Variants in SDC1 observed in about 807,000 individuals in gnomAD.
SDC1 encodes syndecan 1.
In SDC1, 14 loss-of-function variants were observed where a neutral mutation model predicts 29.7. That is an observed-to-expected ratio of 0.47 (90% confidence interval 0.31 to 0.74). The LOEUF is 0.74. Ranked by LOEUF, SDC1 falls within the 30% of genes least tolerant of loss-of-function variation. The pLI is 0.05. For synonymous variants in SDC1, 204 were observed against 175.5 expected, an observed-to-expected ratio of 1.16 and a Z score of -1.29; for missense variants, 406 against 400.3, an observed-to-expected ratio of 1.01 and a Z score of -0.12.
Position 20,202,810 on chromosome 2 carries a change from C to T in SDC1, c.889G>A (p.Gly297Arg), listed in dbSNP as rs760664906. 1.7e-5 allele frequency: 28 copies of T among 1,613,262 alleles called. No individual in the cohort carries two copies. The highest frequency in any genetic ancestry group is 1.3e-4 in the South Asian group (12 of 90,862). ...TGTTTGGTGGGCTTCTGGTAGGCCC[C>T]GCCGTTGGCTTGTTTCGGCTCCTCC... Reference protein sequence around the residue: ...SLEEPKQANGGAYQKPTKQEE... With the variant: ...SLEEPKQANGRAYQKPTKQEE... The change falls in exon 5 of 5, where the codon GGG (glycine) becomes AGG (arginine). Residue 297 changes from glycine to arginine, a missense_variant. Transcript: ENST00000254351.
At position 20,204,056 on chromosome 2, in the gene SDC1, G is replaced by C. The variant is rs145526323; in HGVS notation, c.384C>G (p.Thr128=). Residue 128 remains threonine (T), a synonymous_variant, in exon 3 of 5, where the codon ACC becomes ACG. Coordinates refer to ENST00000254351, the MANE Select transcript of SDC1 (RefSeq NM_002997.5). ...CCAGATGAGTGGTCGGGAGCTGTGT[G>C]GTCTCCCTGGGTCGGGGGGTGGCCT... The part of the protein sequence containing the change: ...EQEATPRPRE[T]TQLPTTHLAS... The C allele has an allele frequency of 3.1e-6, 5 of 1,611,594 alleles. No homozygotes were observed. In the African/African-American group the frequency reaches 6.7e-5, roughly 22 times the overall value.
chr2:20,217,849 C>T (rs1677680918), intron 1 of SDC1, among the ~76,000 whole-genome samples: 1 of 152,200 alleles, frequency 6.6e-6, no homozygotes, highest in Admixed American at 6.5e-5. Flanking sequence ...GGTGCCAGGA[C>T]TCTTGGGTGT....
At chr2:20,205,534 G>A in intron 1 of SDC1, 110 bp from the exon 2 acceptor site, 1 of 834,574 alleles carries the variant, frequency 1.2e-6, no homozygotes, top group Non-Finnish European at 2.0e-6. Flanking sequence ...TGCTGCACAG[G>A]TACACAGGGA....
chr2:20,223,362 G>C, intron 1 of SDC1: 1 of 1,157,032 alleles, frequency 8.6e-7, no homozygotes, highest in Non-Finnish European at 1.1e-6. Flanking sequence ...GCGCTGCTGA[G>C]ACTTGTCCAG....
chr2:20,214,403 GT>G (rs1677569894), intron 1 of SDC1, among the ~76,000 whole-genome samples: 2 of 152,176 alleles, frequency 1.3e-5, no homozygotes, highest in African/African-American at 2.4e-5. Flanking sequence ...GTCCCTTCTG[GT>G]TTGGGGGATG....
At chr2:20,210,357 C>T (rs1307815841) in intron 1 of SDC1, among the ~76,000 whole-genome samples, 1 of 152,140 alleles carries the variant, frequency 6.6e-6, no homozygotes, top group Non-Finnish European at 1.5e-5. Flanking sequence ...GGCAGAGCTC[C>T]CAGCTCCTCA....
rs1677071042 is a variant in SDC1 at position 20,202,813 on chromosome 2, C to T, written c.886G>A (p.Gly296Ser). The change falls in exon 5 of 5, where the codon GGC becomes AGC. Residue 296 changes from glycine to serine, a missense_variant. Physicochemically the swap from Gly to Ser is moderately conservative, Grantham distance 56 (BLOSUM62 0). Transcript: ENST00000254351. ...YSLEEPKQAN[G>S]GAYQKPTKQE... ...TTGGTGGGCTTCTGGTAGGCCCCGC[C>T]GTTGGCTTGTTTCGGCTCCTCCAAG... 6 of 1,613,424 alleles carry T rather than the reference C, an allele frequency of 3.7e-6. No homozygotes were observed. The highest frequency in any genetic ancestry group is 4.5e-5 in the East Asian group (2 of 44,868).
chr2:20,213,627 C>T (rs976571648), intron 1 of SDC1, among the ~76,000 whole-genome samples: 3 of 152,206 alleles, frequency 2.0e-5, no homozygotes, highest in African/African-American at 7.2e-5. Flanking sequence ...GCCCTGTCTG[C>T]CCTAAAGAGC....
At chr2:20,207,287 G>C in intron 1 of SDC1, 1 of 360,328 alleles carries the variant, frequency 2.8e-6, no homozygotes, top group Non-Finnish European at 3.9e-6. Flanking sequence ...AAGCTAAACT[G>C]TATCTTCCTT....
intron 1 of SDC1, among the ~76,000 whole-genome samples, chr2:20,211,166 C>T (rs1456582445): frequency 6.6e-6 from 1 of 152,138 alleles, no homozygotes; most frequent in Non-Finnish European, 1.5e-5. Context: ...CCAAGAATCA[C>T]CAGGAGACCA....
At chr2:20,205,233 G>A in intron 2 of SDC1, 110 bp downstream of exon 2, 2 of 840,940 alleles carry the variant, frequency 2.4e-6, no homozygotes, top group Non-Finnish European at 2.0e-6. Flanking sequence ...GACAGGGCAG[G>A]CAGGGTGCAC....
chr2:20,200,990 T>G lies in SDC1; in HGVS notation c.*1776A>C, dbSNP rs1140626. On this transcript the variant is annotated 3_prime_UTR_variant, in exon 5 of 5. Coordinates refer to ENST00000254351, the MANE Select transcript of SDC1 (RefSeq NM_002997.5). The stretch of plus-strand genomic sequence containing the variant: ...CCGGACACAGGTTCCCTTGGCTTGG[T>G]GGTGCATCTCTGATCCACAGACTGG... 5 of 152,316 alleles carry G rather than the reference T, an allele frequency of 3.3e-5. No homozygotes were observed. Among genetic ancestry groups the G allele is most frequent in the Admixed American group, 2.6e-4 (4 of 15,294 alleles). The allele number at this position is 152,316 out of a possible 1,614,324, so 9.4% of individuals were successfully genotyped here.
intron 1 of SDC1, among the ~76,000 whole-genome samples, chr2:20,206,134 T>C (rs1208327960): frequency 6.6e-6 from 1 of 152,188 alleles, no homozygotes; most frequent in East Asian, 1.9e-4. Context: ...ATCATCCTCC[T>C]TGGGGAAGGA....
intron 1 of SDC1, among the ~76,000 whole-genome samples, chr2:20,217,635 G>A (rs1364358049): frequency 6.6e-6 from 1 of 152,216 alleles, no homozygotes; most frequent in Non-Finnish European, 1.5e-5. Flanking sequence ...AGCCCCGGCT[G>A]TGTCTTGCTG....
Position 20,201,949 on chromosome 2 carries a change from C to T in SDC1, c.*817G>A. On this transcript the variant is annotated 3_prime_UTR_variant, in exon 5 of 5. Transcript: ENST00000254351. ...GAAAGAGGCGGCGGCCCCACGGCAG[C>T]CTGGACTGGCCAGCCTGCCAACAGA... 1 of 304,230 alleles carries T rather than the reference C, an allele frequency of 3.3e-6. No individual in the cohort carries two copies. Among genetic ancestry groups the T allele is most frequent in the Non-Finnish European group, 6.0e-6 (1 of 167,428 alleles). The allele number at this position is 304,230 out of a possible 1,614,324, so 18.8% of individuals were successfully genotyped here.
chr2:20,201,409 T>G lies in SDC1; in HGVS notation c.*1357A>C, dbSNP rs1012338293. 8.5e-5 allele frequency: 13 copies of G among 152,428 alleles called. No individual in the cohort carries two copies. Among genetic ancestry groups the G allele is most frequent in the African/African-American group, 3.1e-4 (13 of 41,460 alleles). 9.4% of individuals were successfully genotyped at this position (152,428 alleles called of 1,614,324 possible). A position where few individuals can be genotyped will look rare whatever the true frequency, so the allele number is the denominator to read the frequency against. ...AAGGCACAGAGATTCGAGCCAAGTT[T>G]CCCAACATGTTGGTGTTTGCAGAAA... is the stretch of plus-strand genomic sequence containing the variant. On this transcript the variant is annotated 3_prime_UTR_variant, in exon 5 of 5. Coordinates refer to ENST00000254351, the MANE Select transcript of SDC1 (RefSeq NM_002997.5).
chr2:20,202,970 G>A (rs201032862), intron 4 of SDC1, 35 bp from the exon 5 acceptor site: 11 of 1,582,970 alleles, frequency 6.9e-6, no homozygotes, highest in African/African-American at 4.0e-5. Context: ...TCAGCTCAGC[G>A]GCTCCTTGGG....
rs898018609 is a variant in SDC1 at position 20,224,082 on chromosome 2, C to T, written c.66+720G>A. 14 of 346,602 alleles carry T rather than the reference C, an allele frequency of 4.0e-5. No homozygotes were observed. The highest frequency in any genetic ancestry group is 2.3e-4 in the South Asian group (12 of 52,026). 21.5% of individuals were successfully genotyped at this position (346,602 alleles called of 1,614,324 possible). On this transcript the variant is annotated intron_variant, in intron 1 of 4. Coordinates refer to ENST00000254351, the MANE Select transcript of SDC1 (RefSeq NM_002997.5). This position sits in a 1 kb window ranked among gnomAD's most constrained non-coding sequence, Gnocchi z 4.9. ...GCCGTGCCCGGCACGGGAACGCGCC[C>T]TCCGGGGCCAGCTCAACTTCAGCAG... is the stretch of plus-strand genomic sequence containing the variant.
At chr2:20,216,345 G>A (rs1677625829) in intron 1 of SDC1, among the ~76,000 whole-genome samples, 1 of 152,098 alleles carries the variant, frequency 6.6e-6, no homozygotes, top group African/African-American at 2.4e-5. Context: ...CTTGCCGCCC[G>A]GACCCTCCCC....
Sources: gnomAD v4.1 joint callset for allele counts (sites outside exome capture counted in the v4.1 genomes callset) on GRCh38, gnomAD v4.1.1 for gene constraint, Gnocchi (gnomAD v3.1) non-coding constraint, MANE v1.5 for transcripts, NCBI Gene and HGNC (gene_info 2026-07-23, HGNC 2026-07-21) for gene names.